NEK11: variants seen among roughly 807,000 people sequenced by gnomAD.
The protein encoded by NEK11 is serine/threonine-protein kinase Nek11.
NEK11 carries 72 observed loss-of-function variants against 80.7 expected under a neutral mutation model. The observed-to-expected ratio is 0.89, with a 90% CI of 0.74 to 1.08. The LOEUF (loss-of-function observed/expected upper bound fraction) is 1.08, where lower values mean the gene tolerates loss of function less well. Among genes scored for constraint, NEK11 ranks in the 50% least tolerant of loss-of-function variants. The pLI, the probability that NEK11 is intolerant of heterozygous loss-of-function variation, is 0.00. For synonymous variants in NEK11, 251 were observed against 260.7 expected (o/e 0.96, Z 0.36); for missense variants, 764 against 763.6 (o/e 1.00, Z -0.01).
chr3:131,187,808 C>G (rs2093654686), intron 14 of NEK11, among the ~76,000 whole-genome samples: 2 of 152,130 alleles, frequency 1.3e-5, no homozygotes, highest in African/African-American at 4.8e-5. Flanking sequence ...AAAAGTCACA[C>G]AGATTGAAAA....
At chr3:131,183,808 G>C (rs1032518688) in intron 14 of NEK11, among the ~76,000 whole-genome samples, 2 of 152,154 alleles carry the variant, frequency 1.3e-5, no homozygotes, top group African/African-American at 2.4e-5. Flanking sequence ...CTGGTAATGG[G>C]ATTGCTGGGT....
At chr3:131,131,417 T>G (rs1464781688) in intron 5 of NEK11, among the ~76,000 whole-genome samples, 1 of 152,208 alleles carries the variant, frequency 6.6e-6, no homozygotes, top group Non-Finnish European at 1.5e-5. Flanking sequence ...TGGGCCTATT[T>G]GATTGTCTAC....
At chr3:131,113,258 G>A (rs544018637) in intron 5 of NEK11, among the ~76,000 whole-genome samples, 14 of 152,098 alleles carry the variant, frequency 9.2e-5, no homozygotes, top group African/African-American at 3.4e-4. Flanking sequence ...AATATGCTGG[G>A]TAGAATATGG....
At chr3:131,278,464 G>A (rs2096339178) in intron 17 of NEK11, among the ~76,000 whole-genome samples, 1 of 152,184 alleles carries the variant, frequency 6.6e-6, no homozygotes, top group Non-Finnish European at 1.5e-5. Context: ...TGGGTGAACG[G>A]GTGGATAAGT....
intron 16 of NEK11, among the ~76,000 whole-genome samples, chr3:131,250,636 A>G (rs917654275): frequency 3.9e-5 from 6 of 152,094 alleles, no homozygotes; most frequent in Admixed American, 3.9e-4. Flanking sequence ...TCCCAGAATG[A>G]GAGTAAAGAA....
chr3:131,195,904 C>A (rs2093991246), intron 14 of NEK11, among the ~76,000 whole-genome samples: 1 of 147,252 alleles, frequency 6.8e-6, no homozygotes. Flanking sequence ...ATTTTTATAC[C>A]CATTAACCAG....
intron 3 of NEK11, among the ~76,000 whole-genome samples, chr3:131,059,578 C>T (rs1577605823): frequency 6.6e-6 from 1 of 152,120 alleles, no homozygotes; most frequent in South Asian, 2.1e-4. Flanking sequence ...TCCATATAGC[C>T]CTTTCAAGAA....
intron 10 of NEK11, among the ~76,000 whole-genome samples, chr3:131,160,225 G>C (rs1013779779): frequency 6.6e-6 from 1 of 152,184 alleles, no homozygotes; most frequent in Non-Finnish European, 1.5e-5. Flanking sequence ...ACTAACAGCA[G>C]ATGTCTCAGC....
chr3:131,218,278 A>G (rs1413182255), intron 14 of NEK11, among the ~76,000 whole-genome samples: 1 of 152,090 alleles, frequency 6.6e-6, no homozygotes, highest in African/African-American at 2.4e-5. Context: ...GTGTGTATAT[A>G]GAGTTTGGTG....
chr3:131,041,572 A>G (rs2066484835), intron 3 of NEK11, among the ~76,000 whole-genome samples: 1 of 151,808 alleles, frequency 6.6e-6, no homozygotes, highest in Non-Finnish European at 1.5e-5. Context: ...GTGTGTGTGT[A>G]TGTGTGTGTT....
intron 3 of NEK11, among the ~76,000 whole-genome samples, chr3:131,074,892 C>T (rs2074079048): frequency 6.6e-6 from 1 of 152,176 alleles, no homozygotes; most frequent in South Asian, 2.1e-4. Context: ...CCCCATGGGA[C>T]TGAGCTCTCT....
chr3:131,074,775 G>C (rs1361973586), intron 3 of NEK11, among the ~76,000 whole-genome samples: 1 of 152,120 alleles, frequency 6.6e-6, no homozygotes, highest in Non-Finnish European at 1.5e-5. Flanking sequence ...CGTGGATTTT[G>C]CCTTTTCTTC....
chr3:131,215,734 G>T (rs1350279372), intron 14 of NEK11, among the ~76,000 whole-genome samples: 3 of 152,200 alleles, frequency 2.0e-5, no homozygotes, highest in Non-Finnish European at 4.4e-5. Context: ...ACTTTCAAGG[G>T]CCAGGAGATT....
In NEK11 at chr3:131,155,037, A is replaced by G. The variant is rs1440371291; in HGVS notation, c.878A>G (p.Asn293Ser). ...KIPYLDEQLQ[N>S]LMCRYSEMTL... ...TGTCAGGGTTGATCTTTTTTTCAGA[A>G]CCTAATGTGTAGATATTCAGAAATG... Residue 293 changes from asparagine to serine, a missense_variant and splice_region_variant, in exon 10 of 18, where the codon AAC becomes AGC. Physicochemically the swap from Asn to Ser is conservative, Grantham distance 46. Coordinates refer to ENST00000383366, the MANE Select transcript of NEK11 (RefSeq NM_024800.5). The G allele has an allele frequency of 6.3e-7, 1 of 1,593,710 alleles. No individual in the cohort carries two copies. The highest frequency in any genetic ancestry group is 8.6e-7 in the Non-Finnish European group (1 of 1,161,734).
chr3:131,287,449 T>C (rs1561382432), intron 17 of NEK11, among the ~76,000 whole-genome samples: 1 of 152,054 alleles, frequency 6.6e-6, no homozygotes. Context: ...AATTTTTACA[T>C]TTTTAGTAGA....
chr3:131,233,786 A>G (rs1276964869), intron 15 of NEK11, among the ~76,000 whole-genome samples: 3 of 152,222 alleles, frequency 2.0e-5, no homozygotes, highest in Non-Finnish European at 4.4e-5. Context: ...CGTGCAAATC[A>G]GCTATTTCAT....
chr3:131,324,095 A>G (rs2096929344), intron 17 of NEK11, among the ~76,000 whole-genome samples: 2 of 152,242 alleles, frequency 1.3e-5, no homozygotes, highest in African/African-American at 2.4e-5. Context: ...GCAGCAGGGG[A>G]GAGATTAATC....
At chr3:131,167,388 C>A (rs961996279) in intron 12 of NEK11, among the ~76,000 whole-genome samples, 2 of 152,190 alleles carry the variant, frequency 1.3e-5, no homozygotes, top group Admixed American at 1.3e-4. Flanking sequence ...TGACTTCATT[C>A]TTGAAGTTAC....
At chr3:131,178,976 C>T (rs959141699) in intron 14 of NEK11, among the ~76,000 whole-genome samples, 13 of 152,164 alleles carry the variant, frequency 8.5e-5, no homozygotes, top group Admixed American at 2.6e-4. Flanking sequence ...TGTCTGCTCT[C>T]AAAAACTCAG....
Sources: gnomAD v4.1 joint callset for allele counts (sites outside exome capture counted in the v4.1 genomes callset) on GRCh38, gnomAD v4.1.1 for gene constraint, MANE v1.5 for transcripts, NCBI Gene and HGNC (gene_info 2026-07-23, HGNC 2026-07-21) for gene names.